Variants in PAX7 observed in about 807,000 individuals in gnomAD.
PAX7 encodes the protein paired box 7, also known as paired box protein Pax-7.
PAX7 carries 18 observed loss-of-function variants against 50.7 expected under a neutral mutation model. That is an observed-to-expected ratio of 0.36 (90% CI 0.25 to 0.53). The LOEUF (loss-of-function observed/expected upper bound fraction) is 0.53. Ranked by LOEUF, PAX7 falls within the 20% of genes least tolerant of loss-of-function variation. The pLI is 0.93. For synonymous variants in PAX7, 310 were observed against 290.4 expected (o/e 1.07, Z -0.69); for missense variants, 644 against 702.9 (o/e 0.92, Z 0.95).
chr1:18,657,983 C>T (rs573021010), intron 4 of PAX7, among the ~76,000 whole-genome samples: 1 of 152,192 alleles, frequency 6.6e-6, no homozygotes, highest in African/African-American at 2.4e-5. Flanking sequence ...TTTGTCCCCC[C>T]AGGGCCGACG....
intron 5 of PAX7, among the ~76,000 whole-genome samples, chr1:18,693,066 C>A (rs1411990074): frequency 1.3e-5 from 2 of 152,038 alleles, no homozygotes; most frequent in African/African-American, 4.8e-5. Context: ...GAGGAAGAGC[C>A]GGGACAAGTC....
At chr1:18,696,094 T>C (rs1322262436) in intron 5 of PAX7, among the ~76,000 whole-genome samples, 3 of 143,376 alleles carry the variant, frequency 2.1e-5, no homozygotes, top group Admixed American at 7.3e-5. Flanking sequence ...TGAGACAGAG[T>C]TTCACTCATC....
intron 4 of PAX7, among the ~76,000 whole-genome samples, chr1:18,680,473 C>T (rs1285498809): frequency 6.6e-6 from 1 of 152,182 alleles, no homozygotes; most frequent in African/African-American, 2.4e-5. Flanking sequence ...ATCTAGTTTT[C>T]CTCACCTCCC....
intron 7 of PAX7, among the ~76,000 whole-genome samples, chr1:18,712,898 A>T (rs2089373391): frequency 6.6e-6 from 1 of 152,022 alleles, no homozygotes; most frequent in South Asian, 2.1e-4. Context: ...CCTGGGCAAC[A>T]TGGTGAAACC....
chr1:18,720,521 A>G (rs747029470), intron 7 of PAX7, among the ~76,000 whole-genome samples: 22 of 152,154 alleles, frequency 1.4e-4, no homozygotes, highest in Non-Finnish European at 2.6e-4. Flanking sequence ...GGAAGTGGTC[A>G]GAGAGACAGA....
At chr1:18,727,358 T>TCTCC (rs2089586111) in intron 7 of PAX7, among the ~76,000 whole-genome samples, 1 of 121,526 alleles carries the variant, frequency 8.2e-6, no homozygotes, top group African/African-American at 3.4e-5. Flanking sequence ...ATCCTCTCTC[T>TCTCC]CTCTCTCTCT....
At chr1:18,646,763 G>C (rs987880505) in intron 4 of PAX7, among the ~76,000 whole-genome samples, 1 of 151,734 alleles carries the variant, frequency 6.6e-6, no homozygotes, top group Admixed American at 6.6e-5. Context: ...GCCTAATCCC[G>C]CTTTCATTTC....
At chr1:18,701,508 CA>C (rs1419661662) in intron 6 of PAX7, among the ~76,000 whole-genome samples, 4 of 151,086 alleles carry the variant, frequency 2.6e-5, no homozygotes, top group Non-Finnish European at 5.9e-5. Flanking sequence ...ATGTTGGAAT[CA>C]TTTTTTTTTT....
At chr1:18,719,305 T>A (rs772171869) in intron 7 of PAX7, among the ~76,000 whole-genome samples, 1 of 152,200 alleles carries the variant, frequency 6.6e-6, no homozygotes, top group Non-Finnish European at 1.5e-5. Flanking sequence ...TGTGGGCGAA[T>A]GAGTGCTGGA....
Position 18,634,362 on chromosome 1 carries a change from C to T in PAX7, c.145C>T (p.Arg49Ter), listed in dbSNP as rs146503374. Residue 49 changes from arginine (R) to a stop codon, truncating the protein, a stop_gained, in exon 2 of 9, where the codon CGA becomes TGA. Coordinates refer to ENST00000420770, the MANE Select transcript of PAX7 (RefSeq NM_001135254.2). LOFTEE classifies it high-confidence loss of function. This position sits in a 1 kb window ranked among gnomAD's most constrained non-coding sequence, Gnocchi z 4.0. ...NQLGGVFING[R>*]PLPNHIRHKI... ...GCTGGGAGGGGTCTTCATCAATGGG[C>T]GACCCCTGCCTAACCACATCCGCCA... 3 of 1,614,002 alleles carry T rather than the reference C, an allele frequency of 1.9e-6. No homozygotes were observed. The highest frequency in any genetic ancestry group is 2.5e-6 in the Non-Finnish European group (3 of 1,180,010).
intron 8 of PAX7, chr1:18,736,246 C>A: frequency 2.0e-6 from 1 of 494,234 alleles, no homozygotes; most frequent in Non-Finnish European, 3.6e-6. Flanking sequence ...AAACGAATCA[C>A]TTGAGCCCAG....
chr1:18,631,590 C>T lies in PAX7; in HGVS notation c.-14C>T. 1.2e-6 allele frequency: 2 copies of T among 1,609,506 alleles called. No homozygotes were observed. Among genetic ancestry groups the T allele is most frequent in the Non-Finnish European group, 1.7e-6 (2 of 1,178,226 alleles). ...TTTTTGCCGACTTTGGATTCGTCCCCGGCGTGCGCAAGAATGGCGGCCCTT... is the reference window on the plus strand; with the variant it reads ...TTTTTGCCGACTTTGGATTCGTCCCTGGCGTGCGCAAGAATGGCGGCCCTT... On this transcript the variant is annotated 5_prime_UTR_variant, in exon 1 of 9. Coordinates refer to ENST00000420770, the MANE Select transcript of PAX7 (RefSeq NM_001135254.2).
In PAX7 at chr1:18,700,532, C is replaced by CTGCAGGAGG; in HGVS notation, c.787-120_787-112dup. On this transcript the variant is annotated intron_variant, in intron 5 of 8. Coordinates refer to ENST00000420770, the MANE Select transcript of PAX7 (RefSeq NM_001135254.2). This position sits in a 1 kb window ranked among gnomAD's most constrained non-coding sequence, Gnocchi z 4.8. Reference sequence around the variant, plus strand: ...GTCCTGTGCTGCACAATGCCGGGGCCTGCAGGAGGATGCTGGCTGGATCAG... The same window carrying CTGCAGGAGG: ...GTCCTGTGCTGCACAATGCCGGGGCCTGCAGGAGGTGCAGGAGGATGCTGGCTGGATCAG... 1.1e-6 allele frequency: 1 copy of CTGCAGGAGG among 883,972 alleles called. No individual in the cohort carries two copies. Among genetic ancestry groups the CTGCAGGAGG allele is most frequent in the Non-Finnish European group, 1.7e-6 (1 of 603,038 alleles). The allele number at this position is 883,972 out of a possible 1,614,324, so 54.8% of individuals were successfully genotyped here. A position where few individuals can be genotyped will look rare whatever the true frequency, so the allele number is the denominator to read the frequency against.
chr1:18,714,364 A>G (rs973528936), intron 7 of PAX7, among the ~76,000 whole-genome samples: 2 of 152,124 alleles, frequency 1.3e-5, no homozygotes, highest in Non-Finnish European at 2.9e-5. Flanking sequence ...TTGCAGGCTT[A>G]TGAGAATTAA....
At position 18,740,011 on chromosome 1, in the gene PAX7, C is replaced by T. The variant is rs542740230; in HGVS notation, c.1402+4133C>T. 2.6e-4 allele frequency among the ~76,000 whole-genome samples: 39 copies of T among 152,306 alleles called. 1 individual carries two copies. Among genetic ancestry groups the T allele is most frequent in the East Asian group, 5.8e-4 (3 of 5,176 alleles). On this transcript the variant is annotated intron_variant, in intron 8 of 8. Transcript: ENST00000420770. Reference sequence around the variant, plus strand: ...GGGCTGCGGGCTGACGAGGCGCTGACGGCTGAGATTGTTTACCGGTTGGCA... The same window carrying T: ...GGGCTGCGGGCTGACGAGGCGCTGATGGCTGAGATTGTTTACCGGTTGGCA...
At chr1:18,696,239 G>T (rs946795348) in intron 5 of PAX7, among the ~76,000 whole-genome samples, 2 of 151,966 alleles carry the variant, frequency 1.3e-5, no homozygotes, top group African/African-American at 4.8e-5. Flanking sequence ...CTAATTTTTT[G>T]TATTTTTAAT....
In PAX7 at chr1:18,746,969, C is replaced by T. The variant is rs1049699407; in HGVS notation, c.*2040C>T. 1.3e-5 allele frequency: 3 copies of T among 230,870 alleles called. No homozygotes were observed. Among genetic ancestry groups the T allele is most frequent in the Non-Finnish European group, 2.6e-5 (3 of 116,608 alleles). The allele number at this position is 230,870 out of a possible 1,614,324, so 14.3% of individuals were successfully genotyped here. A position where few individuals can be genotyped will look rare whatever the true frequency, so the allele number is the denominator to read the frequency against. ...AGATCAACCAAGGTTGCAACTGGAGCGTCCACTGCCAGAGACCTTTGGCTC... is the reference window on the plus strand; with the variant it reads ...AGATCAACCAAGGTTGCAACTGGAGTGTCCACTGCCAGAGACCTTTGGCTC... On this transcript the variant is annotated 3_prime_UTR_variant, in exon 9 of 9. Coordinates refer to ENST00000420770, the MANE Select transcript of PAX7 (RefSeq NM_001135254.2).
chr1:18,735,127 G>A lies in PAX7; in HGVS notation c.1156-505G>A, dbSNP rs2236798. ...AACCTCAGAGTCCGGAGGAGTGGCAGGCAGAGCAAGCCACACACAGTGACA... is the reference window on the plus strand; with the variant it reads ...AACCTCAGAGTCCGGAGGAGTGGCAAGCAGAGCAAGCCACACACAGTGACA... On this transcript the variant is annotated intron_variant, in intron 7 of 8. Coordinates refer to ENST00000420770, the MANE Select transcript of PAX7 (RefSeq NM_001135254.2). The surrounding 1 kb of genome is among the most constrained non-coding windows in gnomAD (Gnocchi z 4.0). Among the ~76,000 whole-genome samples, 6,795 of 152,250 alleles carry A rather than the reference G, an allele frequency of 0.045. 206 individuals carry two copies. Among genetic ancestry groups the A allele is most frequent in the East Asian group, 0.075 (388 of 5,170 alleles).
chr1:18,680,400 G>T (rs1447518512), intron 4 of PAX7, among the ~76,000 whole-genome samples: 1 of 152,130 alleles, frequency 6.6e-6, no homozygotes, highest in Non-Finnish European at 1.5e-5. Context: ...TCTGGGATTG[G>T]TGGCTGGCAG....
Sources: gnomAD v4.1 joint callset for allele counts (sites outside exome capture counted in the v4.1 genomes callset) on GRCh38, gnomAD v4.1.1 for gene constraint, Gnocchi (gnomAD v3.1) non-coding constraint, MANE v1.5 for transcripts, NCBI Gene and HGNC (gene_info 2026-07-23, HGNC 2026-07-21) for gene names.